PPFIA2: variants seen among roughly 807,000 people sequenced by gnomAD.
PPFIA2 encodes the protein PPFI scaffold protein A2.
Under a neutral mutation model 175.5 loss-of-function variants are expected in PPFIA2, and 46 were observed. The observed-to-expected ratio is 0.26, with a 90% confidence interval of 0.21 to 0.34. The LOEUF is 0.34. Among genes scored for constraint, PPFIA2 ranks in the 10% least tolerant of loss-of-function variants. The pLI is 1.00. For synonymous variants in PPFIA2, 568 were observed against 511.4 expected (o/e 1.11, Z -1.49); for missense variants, 1,179 against 1,506.1 (o/e 0.78, Z 3.60).
intron 27 of PPFIA2, among the ~76,000 whole-genome samples, chr12:81,278,196 T>C (rs2041059135): frequency 6.6e-6 from 1 of 152,200 alleles, no homozygotes; most frequent in South Asian, 2.1e-4. Context: ...GAAATACATA[T>C]AATTGATACA....
At chr12:81,432,932 T>A (rs1233595390) in intron 7 of PPFIA2, among the ~76,000 whole-genome samples, 1 of 151,974 alleles carries the variant, frequency 6.6e-6, no homozygotes, top group Non-Finnish European at 1.5e-5. Flanking sequence ...TCTAGCTCTT[T>A]GCCACGTCAG....
chr12:81,353,688 C>T (rs1255670015), intron 16 of PPFIA2, among the ~76,000 whole-genome samples: 3 of 152,110 alleles, frequency 2.0e-5, no homozygotes, highest in African/African-American at 7.2e-5. Context: ...TGTACTCAAG[C>T]ACTCACGACT....
chr12:81,617,776 G>C (rs1276165641), intron 4 of PPFIA2, among the ~76,000 whole-genome samples: 4 of 152,294 alleles, frequency 2.6e-5, no homozygotes, highest in Admixed American at 2.6e-4. Context: ...TTAAGTACCA[G>C]CTATAAGTTG....
chr12:81,527,378 T>C (rs1248073813), intron 4 of PPFIA2, among the ~76,000 whole-genome samples: 1 of 152,056 alleles, frequency 6.6e-6, no homozygotes, highest in Non-Finnish European at 1.5e-5. Context: ...CATTTTATGC[T>C]TCTGTTTAGA....
intron 4 of PPFIA2, among the ~76,000 whole-genome samples, chr12:81,553,480 C>G (rs768832729): frequency 3.3e-5 from 5 of 152,048 alleles, no homozygotes; most frequent in Non-Finnish European, 7.4e-5. Context: ...CACTTTAACC[C>G]ATAGCATGTG....
At chr12:81,618,129 T>C (rs1236845453) in intron 4 of PPFIA2, among the ~76,000 whole-genome samples, 1 of 152,168 alleles carries the variant, frequency 6.6e-6, no homozygotes, top group Non-Finnish European at 1.5e-5. Flanking sequence ...CAGAAACATC[T>C]GTCAACACTT....
chr12:81,600,663 A>C (rs145062020), intron 4 of PPFIA2, among the ~76,000 whole-genome samples: 2,219 of 151,998 alleles, frequency 0.015, 47 homozygotes, highest in East Asian at 0.041. Context: ...TAGATTTACT[A>C]GCTGTGGAAA....
Position 81,373,995 on chromosome 12 carries a change from T to G in PPFIA2, c.1266+639A>C, listed in dbSNP as rs868793402. Reference sequence around the variant, plus strand: ...AAATGATGCCATTTCCGTTTGATTGTCAGAGGTCAGAATAGTTCTTTTTAA... The same window carrying G: ...AAATGATGCCATTTCCGTTTGATTGGCAGAGGTCAGAATAGTTCTTTTTAA... On this transcript the variant is annotated intron_variant, in intron 11 of 32. Coordinates refer to ENST00000549396, the MANE Select transcript of PPFIA2 (RefSeq NM_003625.5). Among the ~76,000 whole-genome samples the G allele has an allele frequency of 4.6e-5, 7 of 152,214 alleles. No homozygotes were observed. The South Asian group carries it at 1.2e-3, about 27-fold the overall frequency.
rs951126006 is a variant in PPFIA2, at chr12:81,258,712, T to C, written c.*982A>G. On this transcript the variant is annotated 3_prime_UTR_variant, in exon 33 of 33. Transcript: ENST00000549396. ...TGAGTCTGGCTAATGCCCTGTTACA[T>C]TGACAAAAGGGAAAGGTATCTTGGG... 1 of 152,106 alleles carries C rather than the reference T, an allele frequency of 6.6e-6. No homozygotes were observed. The highest frequency in any genetic ancestry group is 2.4e-5 in the African/African-American group (1 of 41,418). The allele number at this position is 152,106 out of a possible 1,614,324, so 9.4% of individuals were successfully genotyped here. A position where few individuals can be genotyped will look rare whatever the true frequency, so the allele number is the denominator to read the frequency against.
chr12:81,349,490 G>A (rs746891842), intron 17 of PPFIA2, among the ~76,000 whole-genome samples: 21 of 151,918 alleles, frequency 1.4e-4, no homozygotes, highest in Admixed American at 3.9e-4. Context: ...CCAAAGAAAG[G>A]TTTAATCAAG....
At chr12:81,518,365 T>C (rs903150879) in intron 4 of PPFIA2, among the ~76,000 whole-genome samples, 1 of 152,162 alleles carries the variant, frequency 6.6e-6, no homozygotes, top group Non-Finnish European at 1.5e-5. Flanking sequence ...TCTCATTCTC[T>C]ATCTACTAGT....
At chr12:81,268,407 G>C (rs985073722) in intron 28 of PPFIA2, among the ~76,000 whole-genome samples, 5 of 151,826 alleles carry the variant, frequency 3.3e-5, no homozygotes, top group African/African-American at 7.3e-5. Context: ...CAAAGTGCTG[G>C]GATTACAGGC....
intron 4 of PPFIA2, among the ~76,000 whole-genome samples, chr12:81,490,000 T>A (rs1216845247): frequency 5.9e-5 from 9 of 151,930 alleles, no homozygotes; most frequent in Admixed American, 2.6e-4. Context: ...TTACAATCTT[T>A]CTTTTGTATG....
intron 4 of PPFIA2, among the ~76,000 whole-genome samples, chr12:81,506,377 T>G (rs2061171690): frequency 6.6e-6 from 1 of 152,206 alleles, no homozygotes; most frequent in African/African-American, 2.4e-5. Flanking sequence ...TATGTTTAGA[T>G]AGCACTTTAT....
chr12:81,547,239 G>A (rs1450639100), intron 4 of PPFIA2, among the ~76,000 whole-genome samples: 2 of 151,980 alleles, frequency 1.3e-5, no homozygotes, highest in African/African-American at 4.8e-5. Flanking sequence ...AACTCCTGTT[G>A]GTTAATTATA....
Position 81,708,296 on chromosome 12 carries a change from G to A in PPFIA2, c.250-31452C>T, listed in dbSNP as rs1418063364. ...AAGAAAAATTTTAAAAACAGAGGGT[G>A]GTATATAATTTAAAACCAAATTGAA... On this transcript the variant is annotated intron_variant, in intron 3 of 32. Transcript: ENST00000549396. Among the ~76,000 whole-genome samples, 3 of 151,636 alleles carry A rather than the reference G, an allele frequency of 2.0e-5. No individual in the cohort carries two copies. The East Asian group carries it at 5.8e-4, about 29-fold the overall frequency.
intron 22 of PPFIA2, among the ~76,000 whole-genome samples, chr12:81,320,271 T>A (rs2053370781): frequency 6.6e-6 from 1 of 152,146 alleles, no homozygotes; most frequent in African/African-American, 2.4e-5. Context: ...GTGATGGGAA[T>A]AAATTAAGTA....
rs140034895 is a variant in PPFIA2 at position 81,604,972 on chromosome 12, T to C, written c.303+71819A>G. Among the ~76,000 whole-genome samples, 794 of 151,862 alleles carry C rather than the reference T, an allele frequency of 5.2e-3. 21 individuals are homozygous for C. The highest frequency in any genetic ancestry group is 1.5e-3 in the Non-Finnish European group (99 of 67,760). Reference sequence around the variant, plus strand: ...GAGAAGACCCCAAGAAATTATCTAATACACCCTTGTGCCCTTAGGAACAAT... The same window carrying C: ...GAGAAGACCCCAAGAAATTATCTAACACACCCTTGTGCCCTTAGGAACAAT... On this transcript the variant is annotated intron_variant, in intron 4 of 32. Transcript: ENST00000549396.
intron 15 of PPFIA2, among the ~76,000 whole-genome samples, chr12:81,359,505 G>T (rs1415667690): frequency 6.6e-6 from 1 of 151,212 alleles, no homozygotes; most frequent in East Asian, 1.9e-4. Context: ...TTTATCTCTT[G>T]GGCAGAGGCT....
Sources: allele counts gnomAD v4.1 joint callset (sites outside exome capture counted in the v4.1 genomes callset), GRCh38; gene constraint gnomAD v4.1.1; transcripts MANE v1.5; gene names NCBI Gene and HGNC (gene_info 2026-07-23, HGNC 2026-07-21).